PRICKLE2: variants seen among roughly 807,000 people sequenced by gnomAD.
The protein encoded by PRICKLE2 is prickle planar cell polarity protein 2, also known as prickle-like protein 2.
Under a neutral mutation model 81.4 loss-of-function variants are expected in PRICKLE2, and 21 were observed. The observed-to-expected ratio is 0.26, with a 90% CI of 0.18 to 0.37. The LOEUF (loss-of-function observed/expected upper bound fraction) is 0.37, where lower values mean the gene tolerates loss of function less well. PRICKLE2 is among the 10% of genes least tolerant of loss of function. PRICKLE2 has a pLI of 1.00. For synonymous variants in PRICKLE2, 456 were observed against 421.5 expected (o/e 1.08, Z -1.00); for missense variants, 940 against 1,109.0 (o/e 0.85, Z 2.16).
In PRICKLE2 at chr3:64,094,536, A is replaced by T. The variant is rs1002701246; in HGVS notation, c.*4515T>A. 2.6e-5 allele frequency: 4 copies of T among 152,222 alleles called. No homozygotes were observed. Among genetic ancestry groups the T allele is most frequent in the Non-Finnish European group, 2.9e-5 (2 of 68,030 alleles). The allele number at this position is 152,222 out of a possible 1,614,324, so 9.4% of individuals were successfully genotyped here. On this transcript the variant is annotated 3_prime_UTR_variant, in exon 8 of 8. Coordinates refer to ENST00000638394, the MANE Select transcript of PRICKLE2 (RefSeq NM_198859.4). Reference sequence around the variant, plus strand: ...CCCTCCTTTATATTTCCTTGAGGAAAGCTAGTTTTGTCAGCAGGAAGTAAG... The same window carrying T: ...CCCTCCTTTATATTTCCTTGAGGAATGCTAGTTTTGTCAGCAGGAAGTAAG...
chr3:64,211,355 TTCTA>T (rs1262752809), intron 1 of PRICKLE2, among the ~76,000 whole-genome samples: 2 of 152,208 alleles, frequency 1.3e-5, no homozygotes, highest in East Asian at 3.8e-4. Flanking sequence ...AAAAAGGAGT[TTCTA>T]TCTGACACAA....
intron 1 of PRICKLE2, among the ~76,000 whole-genome samples, chr3:64,207,498 T>C (rs183088427): frequency 6.6e-6 from 1 of 152,212 alleles, no homozygotes; most frequent in African/African-American, 2.4e-5. Flanking sequence ...GGGATAAGAC[T>C]CTGGCCGGTA....
intron 7 of PRICKLE2, among the ~76,000 whole-genome samples, chr3:64,112,392 T>A (rs761532909): frequency 6.6e-6 from 1 of 151,976 alleles, no homozygotes; most frequent in Non-Finnish European, 1.5e-5. Context: ...CAGGTGGGGG[T>A]TGATAAAGTG....
At chr3:64,226,676 A>C (rs139907851), upstream of PRICKLE2, among the ~76,000 whole-genome samples, 1 of 152,260 alleles carries the variant, frequency 6.6e-6, no homozygotes, top group South Asian at 2.1e-4. Flanking sequence ...AAATTCACCG[A>C]GGCATACTAT....
intron 4 of PRICKLE2, among the ~76,000 whole-genome samples, chr3:64,158,192 T>G (rs111629960): frequency 1.3e-5 from 2 of 152,328 alleles, no homozygotes; most frequent in Non-Finnish European, 1.5e-5. Flanking sequence ...AGGTTGAGTA[T>G]AGTTCTAGGG....
chr3:64,116,988 G>C (rs2076944355), intron 7 of PRICKLE2, among the ~76,000 whole-genome samples: 2 of 152,138 alleles, frequency 1.3e-5, no homozygotes, highest in Admixed American at 1.3e-4. Context: ...ACATCAAAAA[G>C]CTTATCCACC....
chr3:64,119,819 A>C (rs11707494), intron 7 of PRICKLE2, among the ~76,000 whole-genome samples: 2 of 152,162 alleles, frequency 1.3e-5, no homozygotes, highest in Non-Finnish European at 2.9e-5. Context: ...ATGCTCATCA[A>C]TGGTGGACTG....
chr3:64,152,837 A>G (rs1469570026), intron 6 of PRICKLE2, among the ~76,000 whole-genome samples: 1 of 152,198 alleles, frequency 6.6e-6, no homozygotes, highest in Non-Finnish European at 1.5e-5. Flanking sequence ...TGGAAGAGAC[A>G]CAGTTCCTCT....
chr3:64,219,975 G>A (rs704397), intron 1 of PRICKLE2, among the ~76,000 whole-genome samples: 18,131 of 152,150 alleles, frequency 0.12, 1,364 homozygotes, highest in East Asian at 0.38. Context: ...AGCATCTTTC[G>A]TAGCAAACAC....
intron 2 of PRICKLE2, among the ~76,000 whole-genome samples, chr3:64,184,475 T>C (rs955107285): frequency 6.6e-6 from 1 of 152,068 alleles, no homozygotes; most frequent in Non-Finnish European, 1.5e-5. Flanking sequence ...TTAGTTATTT[T>C]AATTTTATTT....
chr3:64,206,281 A>G (rs949535803), intron 1 of PRICKLE2, among the ~76,000 whole-genome samples: 11 of 152,182 alleles, frequency 7.2e-5, no homozygotes, highest in African/African-American at 2.6e-4. Flanking sequence ...GCTCAAGGCC[A>G]CTCTTCTGTA....
chr3:64,179,883 A>G (rs914534313), intron 2 of PRICKLE2, among the ~76,000 whole-genome samples: 1 of 152,206 alleles, frequency 6.6e-6, no homozygotes, highest in Non-Finnish European at 1.5e-5. Flanking sequence ...CTCATTCTCT[A>G]TCCATTCCAC....
chr3:64,221,127 G>T (rs112280630), intron 1 of PRICKLE2, among the ~76,000 whole-genome samples: 2 of 152,000 alleles, frequency 1.3e-5, no homozygotes, highest in African/African-American at 4.8e-5. Flanking sequence ...TTGCACTTTC[G>T]TGGTGGATTG....
chr3:64,188,414 A>G (rs1163033532), intron 2 of PRICKLE2, among the ~76,000 whole-genome samples: 1 of 152,216 alleles, frequency 6.6e-6, no homozygotes, highest in Non-Finnish European at 1.5e-5. Flanking sequence ...ATGCATGAGA[A>G]ACACCTAAAA....
chr3:64,109,096 A>G (rs2076801949), intron 7 of PRICKLE2, among the ~76,000 whole-genome samples: 1 of 151,988 alleles, frequency 6.6e-6, no homozygotes, highest in African/African-American at 2.4e-5. Context: ...CTGTCCACCC[A>G]GTTGTTGGAG....
chr3:64,190,117 T>A (rs1559566300), intron 2 of PRICKLE2, among the ~76,000 whole-genome samples: 1 of 152,216 alleles, frequency 6.6e-6, no homozygotes, highest in Non-Finnish European at 1.5e-5. Context: ...TACGTTAACT[T>A]CTGTAACAAA....
intron 2 of PRICKLE2, among the ~76,000 whole-genome samples, chr3:64,243,217 C>A (rs527810866): frequency 3.9e-5 from 6 of 152,072 alleles, no homozygotes; most frequent in Non-Finnish European, 8.8e-5. Context: ...AATGATGTAC[C>A]CATTTCTTTA....
intron 2 of PRICKLE2, among the ~76,000 whole-genome samples, chr3:64,258,609 A>T (rs1263604276): frequency 6.6e-6 from 1 of 151,954 alleles, no homozygotes; most frequent in Admixed American, 6.6e-5. Context: ...TCATGAGGTC[A>T]GGAGATCGAG....
chr3:64,215,458 G>A (rs902898839), intron 1 of PRICKLE2, among the ~76,000 whole-genome samples: 1 of 152,174 alleles, frequency 6.6e-6, no homozygotes, highest in African/African-American at 2.4e-5. Flanking sequence ...CCATTGTAAT[G>A]TAAATTTTAA....
Sources: gnomAD v4.1 joint callset for allele counts (sites outside exome capture counted in the v4.1 genomes callset) on GRCh38, gnomAD v4.1.1 for gene constraint, MANE v1.5 for transcripts, NCBI Gene and HGNC (gene_info 2026-07-23, HGNC 2026-07-21) for gene names.